The following MYT1L variants were observed in gnomAD, a reference collection of about 807,000 sequenced individuals.
MYT1L encodes the protein myelin transcription factor 1 like, also known as myelin transcription factor 1-like protein.
MYT1L carries 12 observed loss-of-function variants against 126.7 expected under a neutral mutation model. The ratio of observed to expected loss-of-function variants is 0.09; its 90% CI spans 0.06 to 0.15. MYT1L has a LOEUF of 0.15. Among genes scored for constraint, MYT1L ranks in the 10% least tolerant of loss-of-function variants. The probability of loss-of-function intolerance (pLI) is 1.00; values close to 1 mark genes in which losing one functional copy is unlikely to be tolerated. For synonymous variants in MYT1L, 541 were observed against 604.2 expected, an observed-to-expected ratio of 0.90 and a Z score of 1.53; for missense variants, 979 against 1,585.2, an observed-to-expected ratio of 0.62 and a Z score of 6.49.
At chr2:1,832,416 G>A (rs747186153) in intron 21 of MYT1L, among the ~76,000 whole-genome samples, 10 of 152,300 alleles carry the variant, frequency 6.6e-5, no homozygotes, top group African/African-American at 1.2e-4. Flanking sequence ...TACCCATGGC[G>A]TTCAAGGCTT....
chr2:1,922,635 G>A lies in MYT1L; in HGVS notation c.1134C>T (p.Asp378=), dbSNP rs1275333300. ...PGRTPDRNYS[D]MLNLMRLEEQ... ...CCTCCAGCCGCATGAGGTTCAGCAT[G>A]TCCGAGTAGTTTCTGTCCGGCGTCC... The change falls in exon 10 of 25, where the codon GAC becomes GAT. Residue 378 remains aspartate (D), a synonymous_variant. Transcript: ENST00000647738. The surrounding 1 kb of genome is among the most constrained non-coding windows in gnomAD (Gnocchi z 7.4). 6.2e-7 allele frequency: 1 copy of A among 1,613,934 alleles called. No individual in the cohort carries two copies. The highest frequency in any genetic ancestry group is 8.5e-7 in the Non-Finnish European group (1 of 1,179,868).
At chr2:2,012,435 A>G (rs904769796) in intron 4 of MYT1L, among the ~76,000 whole-genome samples, 1 of 152,182 alleles carries the variant, frequency 6.6e-6, no homozygotes, top group Non-Finnish European at 1.5e-5. Flanking sequence ...GGCAGAAGGT[A>G]GATTAGTGGC....
intron 2 of MYT1L, among the ~76,000 whole-genome samples, chr2:2,175,924 G>A (rs2090703666): frequency 6.6e-6 from 1 of 152,204 alleles, no homozygotes; most frequent in African/African-American, 2.4e-5. Context: ...CTCGGGGGCT[G>A]GGTTGAGATG....
At chr2:2,161,137 C>T (rs1350138711) in intron 3 of MYT1L, among the ~76,000 whole-genome samples, 1 of 151,938 alleles carries the variant, frequency 6.6e-6, no homozygotes, top group Non-Finnish European at 1.5e-5. Context: ...TGCTTGAACC[C>T]GGGAGGCAGA....
chr2:2,000,492 C>A (rs2062258753), intron 4 of MYT1L, among the ~76,000 whole-genome samples: 1 of 152,166 alleles, frequency 6.6e-6, no homozygotes, highest in South Asian at 2.1e-4. Flanking sequence ...AAGAGTTGGC[C>A]TGAGTGACGG....
chr2:2,165,933 T>C (rs900683599), intron 3 of MYT1L, among the ~76,000 whole-genome samples: 1 of 152,150 alleles, frequency 6.6e-6, no homozygotes, highest in Admixed American at 6.5e-5. Context: ...TTTTCTACTT[T>C]GTAAAAAAAT....
intron 2 of MYT1L, among the ~76,000 whole-genome samples, chr2:2,253,855 A>AAGGT (rs1238982294): frequency 6.6e-6 from 1 of 152,202 alleles, no homozygotes; most frequent in African/African-American, 2.4e-5. Context: ...CATTCCAGCC[A>AAGGT]CTGCCACTCT....
At chr2:2,213,554 G>T in intron 2 of MYT1L, among the ~76,000 whole-genome samples, 1 of 152,322 alleles carries the variant, frequency 6.6e-6, no homozygotes, top group East Asian at 1.9e-4. Flanking sequence ...AGGGGATGAA[G>T]CCTGTTCTCG....
chr2:2,280,309 C>T (rs761823725), intron 2 of MYT1L, among the ~76,000 whole-genome samples: 57 of 152,262 alleles, frequency 3.7e-4, no homozygotes, highest in South Asian at 8.3e-4. Context: ...CACAGCTTTA[C>T]GTATTGTTGA....
At chr2:1,820,353 C>T (rs2038353489) in intron 21 of MYT1L, among the ~76,000 whole-genome samples, 1 of 152,182 alleles carries the variant, frequency 6.6e-6, no homozygotes, top group African/African-American at 2.4e-5. Context: ...GTTTGTCCCT[C>T]TCTTTCTCTG....
At chr2:2,293,395 C>T (rs1314413325) in intron 1 of MYT1L, among the ~76,000 whole-genome samples, 1 of 152,208 alleles carries the variant, frequency 6.6e-6, no homozygotes, top group East Asian at 1.9e-4. Flanking sequence ...GGACCTCATT[C>T]CCCATTCCCC....
chr2:2,107,244 G>A (rs2078863754), intron 3 of MYT1L, among the ~76,000 whole-genome samples: 1 of 152,156 alleles, frequency 6.6e-6, no homozygotes, highest in African/African-American at 2.4e-5. Context: ...CGGTGACGTC[G>A]AGCACAATCT....
chr2:2,088,535 CTGGTGG>C (rs1187460664), intron 3 of MYT1L, among the ~76,000 whole-genome samples: 5 of 151,930 alleles, frequency 3.3e-5, no homozygotes, highest in Non-Finnish European at 7.4e-5. Context: ...ATCCCAGGCA[CTGGTGG>C]TGGATGAGGC....
At chr2:1,933,301 T>C (rs1416353789) in intron 9 of MYT1L, among the ~76,000 whole-genome samples, 2 of 151,550 alleles carry the variant, frequency 1.3e-5, no homozygotes, top group African/African-American at 4.9e-5. Context: ...TCCCTAGGTA[T>C]CTCTGTTTCT....
chr2:2,119,164 T>C (rs2080625624), intron 3 of MYT1L, among the ~76,000 whole-genome samples: 1 of 152,216 alleles, frequency 6.6e-6, no homozygotes, highest in Non-Finnish European at 1.5e-5. Flanking sequence ...TTTTCAAAGG[T>C]GTGAAAACAT....
rs188051035 is a variant in MYT1L at position 1,946,059 on chromosome 2, G to A, written c.153-2725C>T. ...TATTTACAGCTGCTCCCTATTGCTC[G>A]CATGACCACCTGAGCTCTGCCTCCT... On this transcript the variant is annotated intron_variant, in intron 8 of 24. Transcript: ENST00000647738. Among the ~76,000 whole-genome samples the A allele has an allele frequency of 2.0e-4, 30 of 152,224 alleles. No individual in the cohort carries two copies. The East Asian group carries it at 3.5e-3, about 18-fold the overall frequency.
intron 1 of MYT1L, among the ~76,000 whole-genome samples, chr2:2,290,712 G>A (rs2095586144): frequency 6.6e-6 from 1 of 152,168 alleles, no homozygotes; most frequent in Non-Finnish European, 1.5e-5. Context: ...GTTGCATATT[G>A]CAATTACCTG....
intron 3 of MYT1L, among the ~76,000 whole-genome samples, chr2:2,166,179 G>A (rs1254248687): frequency 6.6e-6 from 1 of 151,980 alleles, no homozygotes; most frequent in Admixed American, 6.6e-5. Context: ...CTGCCTCCCT[G>A]TTTTCTTCCT....
intron 2 of MYT1L, among the ~76,000 whole-genome samples, chr2:2,274,910 C>T (rs746765134): frequency 6.6e-6 from 1 of 152,122 alleles, no homozygotes; most frequent in Non-Finnish European, 1.5e-5. Flanking sequence ...AGCCTCCACT[C>T]GGAGAGCTGT....
Sources: gnomAD v4.1 joint callset for allele counts (sites outside exome capture counted in the v4.1 genomes callset) on GRCh38, gnomAD v4.1.1 for gene constraint, Gnocchi (gnomAD v3.1) non-coding constraint, MANE v1.5 for transcripts, NCBI Gene and HGNC (gene_info 2026-07-23, HGNC 2026-07-21) for gene names.